The following IL1RAPL2 variants were observed in gnomAD, a reference collection of about 807,000 sequenced individuals.
IL1RAPL2 encodes the protein X-linked interleukin-1 receptor accessory protein-like 2.
IL1RAPL2 carries 3 observed loss-of-function variants against 44.1 expected under a neutral mutation model. The observed-to-expected ratio is 0.07, with a 90% CI of 0.03 to 0.18. The LOEUF is 0.18. IL1RAPL2 is among the 10% of genes least tolerant of loss of function. The pLI is 1.00. For synonymous variants in IL1RAPL2, 181 were observed against 178.8 expected, an observed-to-expected ratio of 1.01 and a Z score of -0.10; for missense variants, 391 against 496.4, an observed-to-expected ratio of 0.79 and a Z score of 2.02.
chrX:104,627,772 C>G (rs901130133), intron 1 of IL1RAPL2, among the ~76,000 whole-genome samples: 9 of 110,995 alleles, frequency 8.1e-5, no homozygotes, highest in Admixed American at 6.8e-4. Context: ...GAAAAGGGAG[C>G]CTGGTGATAG....
chrX:105,756,688 T>C (rs1037940638), intron 10 of IL1RAPL2, among the ~76,000 whole-genome samples: 1 of 111,678 alleles, frequency 9.0e-6, no homozygotes, highest in African/African-American at 3.3e-5. Context: ...GGTCCTTCAT[T>C]CTTTTCTTTC....
chrX:104,783,051 A>C (rs2147603445), intron 2 of IL1RAPL2, among the ~76,000 whole-genome samples: 1 of 112,140 alleles, frequency 8.9e-6, no homozygotes, highest in Admixed American at 9.5e-5. Flanking sequence ...AGTTTGGTGC[A>C]AGTGCAAATA....
At chrX:105,730,250 A>G (rs1308229180) in intron 7 of IL1RAPL2, among the ~76,000 whole-genome samples, 3 of 111,172 alleles carry the variant, frequency 2.7e-5, no homozygotes, top group Non-Finnish European at 5.7e-5. Flanking sequence ...TTAAGTCAAA[A>G]ACAGTAAAAA....
chrX:104,585,559 A>G (rs982014658), intron 1 of IL1RAPL2, among the ~76,000 whole-genome samples: 1 of 96,274 alleles, frequency 1.0e-5, no homozygotes, highest in Non-Finnish European at 2.0e-5. Context: ...TAAACCTAGT[A>G]CCCATCAGTT....
Position 105,078,989 on chromosome X carries a change from C to G in IL1RAPL2, c.83-116486C>G, listed in dbSNP as rs998785323. On this transcript the variant is annotated intron_variant, in intron 2 of 10. Transcript: ENST00000372582. ...GACCCCTTGTGCTTCCTGGGTGAGG[C>G]GATGCCTCGCCCTGCTTCGGCTCAC... 2.7e-5 allele frequency among the ~76,000 whole-genome samples: 3 copies of G among 112,386 alleles called. No individual in the cohort carries two copies. In the Admixed American group the frequency reaches 2.8e-4, roughly 11 times the overall value.
rs763671226 is a variant in IL1RAPL2 at position 104,854,661 on chromosome X, T to C, written c.82+195666T>C. Among the ~76,000 whole-genome samples the C allele has an allele frequency of 4.3e-3, 481 of 111,267 alleles. 2 individuals carry two copies. The highest frequency in any genetic ancestry group is 0.015 in the African/African-American group (455 of 30,626). On this transcript the variant is annotated intron_variant, in intron 2 of 10. Transcript: ENST00000372582. The stretch of plus-strand genomic sequence containing the variant: ...GGTTACAAGAGAAAGAATTTTTTTT[T>C]TTTTTTGCCTTTGGAGATGCTATAG...
intron 2 of IL1RAPL2, among the ~76,000 whole-genome samples, chrX:105,042,671 G>A (rs1405499578): frequency 2.7e-4 from 28 of 102,512 alleles, no homozygotes; most frequent in Middle Eastern, 4.7e-3. Context: ...TCAGTGTGGC[G>A]ATTCCTCAGG....
At chrX:104,654,154 TC>T (rs1310357719) in intron 1 of IL1RAPL2, among the ~76,000 whole-genome samples, 2 of 111,358 alleles carry the variant, frequency 1.8e-5, no homozygotes, top group East Asian at 5.6e-4. Context: ...CTTACCCTTT[TC>T]AGTTATTTTT....
intron 3 of IL1RAPL2, 79 bp from the exon 4 acceptor site, chrX:105,233,739 A>G: frequency 6.0e-6 from 5 of 830,356 alleles, no homozygotes; most frequent in Non-Finnish European, 8.5e-6. Flanking sequence ...GGAAAAGCCA[A>G]TACTCTTGAA....
intron 2 of IL1RAPL2, among the ~76,000 whole-genome samples, chrX:104,965,230 T>C (rs2030096298): frequency 9.0e-6 from 1 of 111,350 alleles, no homozygotes; most frequent in South Asian, 3.8e-4. Context: ...CCTATCCACA[T>C]AGAAATAGTG....
chrX:105,012,674 CAG>C (rs59693765), intron 2 of IL1RAPL2, among the ~76,000 whole-genome samples: 45 of 81,266 alleles, frequency 5.5e-4, no homozygotes, highest in South Asian at 4.5e-3. Flanking sequence ...CACACACACA[CAG>C]AGAGAGAGAG....
intron 3 of IL1RAPL2, chrX:105,219,262 A>G (rs370810055): frequency 1.7e-5 from 20 of 1,208,420 alleles, no homozygotes; most frequent in Non-Finnish European, 2.2e-5. Flanking sequence ...TATGTCTGAG[A>G]AGGAGGAAAA....
intron 6 of IL1RAPL2, among the ~76,000 whole-genome samples, chrX:105,651,280 C>T (rs2037640721): frequency 9.0e-6 from 1 of 111,623 alleles, no homozygotes; most frequent in Admixed American, 9.5e-5. Context: ...ACCAGATGCT[C>T]CACATCTGCA....
chrX:105,241,506 G>A (rs1269062925), intron 4 of IL1RAPL2, among the ~76,000 whole-genome samples: 1 of 111,282 alleles, frequency 9.0e-6, no homozygotes, highest in Non-Finnish European at 1.9e-5. Context: ...TTTCATCCTT[G>A]CATTAGTATA....
intron 2 of IL1RAPL2, among the ~76,000 whole-genome samples, chrX:104,888,582 C>T (rs1367480576): frequency 9.0e-6 from 1 of 110,763 alleles, no homozygotes; most frequent in Non-Finnish European, 1.9e-5. Context: ...TCACCCCTCA[C>T]CTTCCACTAG....
intron 2 of IL1RAPL2, among the ~76,000 whole-genome samples, chrX:104,737,755 A>G (rs1243165681): frequency 1.8e-5 from 2 of 111,997 alleles, no homozygotes; most frequent in African/African-American, 6.5e-5. Context: ...GACACCAAGC[A>G]GAGCCTATGT....
intron 1 of IL1RAPL2, chrX:104,647,117 G>A (rs1476299088): frequency 9.4e-6 from 2 of 211,815 alleles, no homozygotes; most frequent in Non-Finnish European, 1.8e-5. Flanking sequence ...TGATTTCTGG[G>A]ATAGGGGCAG....
At chrX:105,677,052 C>G (rs1242702615) in intron 6 of IL1RAPL2, among the ~76,000 whole-genome samples, 1 of 111,641 alleles carries the variant, frequency 9.0e-6, no homozygotes, top group Admixed American at 9.5e-5. Flanking sequence ...TGTTATTATT[C>G]TTGTTTTTGT....
intron 1 of IL1RAPL2, among the ~76,000 whole-genome samples, chrX:104,605,245 A>G (rs1441608679): frequency 2.7e-5 from 3 of 111,657 alleles, no homozygotes; most frequent in African/African-American, 9.8e-5. Context: ...ATGAAGGGAG[A>G]AATAAAGATG....
Sources: gnomAD v4.1 joint callset for allele counts (sites outside exome capture counted in the v4.1 genomes callset) on GRCh38, gnomAD v4.1.1 for gene constraint, MANE v1.5 for transcripts, NCBI Gene and HGNC (gene_info 2026-07-23, HGNC 2026-07-21) for gene names.